The following AACS variants were observed in gnomAD, a reference collection of about 807,000 sequenced individuals.
The protein encoded by AACS is acetoacetyl-CoA synthetase, also known as acetoacetate-CoA ligase.
A neutral mutation model predicts 83.1 loss-of-function variants in AACS; 69 were observed. The observed-to-expected ratio is 0.83, with a 90% CI of 0.68 to 1.01. AACS has a LOEUF of 1.01. Ranked by LOEUF, AACS falls within the 50% of genes least tolerant of loss-of-function variation. The pLI is 0.00. For missense variants in AACS, 866 were observed against 882.2 expected (o/e 0.98, Z 0.23); for synonymous variants, 333 against 343.4 (o/e 0.97, Z 0.33).
intron 4 of AACS, among the ~76,000 whole-genome samples, chr12:125,089,198 A>G (rs1956406513): frequency 6.6e-6 from 1 of 152,316 alleles, no homozygotes; most frequent in South Asian, 2.1e-4. Flanking sequence ...AAACTCAGCC[A>G]ACACCAACCA....
Position 125,107,198 on chromosome 12 carries a change from GCCACCCACTGTTCAT to G in AACS, c.847_861del (p.His283_Ile287del). 6.2e-7 allele frequency: 1 copy of G among 1,614,132 alleles called. No homozygotes were observed. The highest frequency in any genetic ancestry group is 8.5e-7 in the Non-Finnish European group (1 of 1,180,028). ...CTGGAGTTCGAGCAGCTGCCCTTCA[GCCACCCACTGTTCAT>G]CATGTTCTCATCGGGCACCACGGGC... On this transcript the variant is annotated inframe_deletion, in exon 8 of 18. Coordinates refer to ENST00000316519, the MANE Select transcript of AACS (RefSeq NM_023928.5).
At position 125,140,447 on chromosome 12, in the gene AACS, A is replaced by C. The variant is rs1957467857; in HGVS notation, c.1882-1645A>C. 6.6e-6 allele frequency: 1 copy of C among 152,246 alleles called. No homozygotes were observed. The highest frequency in any genetic ancestry group is 2.1e-4 in the South Asian group (1 of 4,830). 9.4% of individuals were successfully genotyped at this position (152,246 alleles called of 1,614,324 possible). A position where few individuals can be genotyped will look rare whatever the true frequency, so the allele number is the denominator to read the frequency against. ...GCACGTGGACCCCTGTGTGAAGCGT[A>C]GCAGGGCACAGAGCAGGCGAGACGT... is the stretch of plus-strand genomic sequence containing the variant. On this transcript the variant is annotated intron_variant, in intron 17 of 17. Transcript: ENST00000316519. The surrounding 1 kb of genome is among the most constrained non-coding windows in gnomAD (Gnocchi z 5.1).
At chr12:125,096,828 A>G (rs1003833400) in intron 5 of AACS, among the ~76,000 whole-genome samples, 1 of 151,560 alleles carries the variant, frequency 6.6e-6, no homozygotes, top group African/African-American at 2.4e-5. Context: ...GAGAATGGGG[A>G]AGAGGGGCTT....
chr12:125,065,445 TC>T lies in AACS; in HGVS notation c.-136del, dbSNP rs1955657548. On this transcript the variant is annotated 5_prime_UTR_variant, in exon 1 of 18. Transcript: ENST00000316519. Reference sequence around the variant, plus strand: ...CGGCGGCGGCCGTTCAGTCCCTTGTTCCCCGCCGCCGCCGTCGCTGACCCAG... The same window carrying T: ...CGGCGGCGGCCGTTCAGTCCCTTGTTCCCGCCGCCGCCGTCGCTGACCCAG... 1.1e-6 allele frequency: 1 copy of T among 947,124 alleles called. No homozygotes were observed. Among genetic ancestry groups the T allele is most frequent in the Non-Finnish European group, 1.4e-6 (1 of 696,276 alleles). The allele number at this position is 947,124 out of a possible 1,614,324, so 58.7% of individuals were successfully genotyped here.
At chr12:125,098,461 T>C (rs531139392) in intron 5 of AACS, among the ~76,000 whole-genome samples, 30 of 151,688 alleles carry the variant, frequency 2.0e-4, no homozygotes, top group Admixed American at 7.9e-4. Flanking sequence ...ACCTTTTTTT[T>C]TTTTTTCTGA....
intron 14 of AACS, among the ~76,000 whole-genome samples, chr12:125,133,064 C>T (rs571385341): frequency 6.6e-6 from 1 of 152,352 alleles, no homozygotes; most frequent in East Asian, 1.9e-4. Flanking sequence ...TGCAGGAGGC[C>T]AGCCTGCTGC....
intron 1 of AACS, among the ~76,000 whole-genome samples, chr12:125,072,399 C>T (rs183437832): frequency 1.3e-5 from 2 of 152,284 alleles, no homozygotes; most frequent in Admixed American, 6.5e-5. Context: ...TCTTCCCCAC[C>T]GGGGCTGGGA....
At chr12:125,068,468 A>C (rs968127315) in intron 1 of AACS, among the ~76,000 whole-genome samples, 42 of 152,110 alleles carry the variant, frequency 2.8e-4, no homozygotes, top group African/African-American at 9.9e-4. Flanking sequence ...CAAATAAATA[A>C]AAGTTGGGAG....
intron 8 of AACS, among the ~76,000 whole-genome samples, chr12:125,108,724 G>C (rs1956886440): frequency 6.6e-6 from 1 of 151,980 alleles, no homozygotes; most frequent in Non-Finnish European, 1.5e-5. Context: ...CTGGAGTGCA[G>C]TGGTGTAATC....
In AACS at chr12:125,106,069, G is replaced by A. The variant is rs192897662; in HGVS notation, c.768-1052G>A. Among the ~76,000 whole-genome samples, 16 of 152,322 alleles carry A rather than the reference G, an allele frequency of 1.1e-4. No individual in the cohort carries two copies. In the East Asian group the frequency reaches 2.9e-3, roughly 27 times the overall value. On this transcript the variant is annotated intron_variant, in intron 7 of 17. Transcript: ENST00000316519. ...AGGAGAAACCTTTATATTTAAGGAT[G>A]CCTTCTCATGCAAGACAGCAAAATT...
chr12:125,096,800 G>C (rs1384397075), intron 5 of AACS, among the ~76,000 whole-genome samples: 2 of 152,006 alleles, frequency 1.3e-5, no homozygotes, highest in East Asian at 1.9e-4. Context: ...TTGCTCTCGG[G>C]GGGTGCATCT....
In AACS at chr12:125,125,034, C is replaced by T. The variant is rs368707926; in HGVS notation, c.1309+10C>T. 15 of 1,613,918 alleles carry T rather than the reference C, an allele frequency of 9.3e-6. No individual in the cohort carries two copies. The highest frequency in any genetic ancestry group is 4.5e-5 in the East Asian group (2 of 44,882). ...CTGGGCTCCATCTCAGGTATGGCCC[C>T]GGTGGGGACAGTCCTTCCAGCCATC... is the stretch of plus-strand genomic sequence containing the variant. On this transcript the variant is annotated intron_variant, in intron 12 of 17. Transcript: ENST00000316519.
At position 125,094,824 on chromosome 12, in the gene AACS, CTT is replaced by C. The variant is rs1320882755; in HGVS notation, c.570+3304_570+3305del. ...CCAGCAAGATCTCTAGGTCCTGAGT[CTT>C]TTGATGGCTTTGGGTTTTTTGTTTC... is the stretch of plus-strand genomic sequence containing the variant. On this transcript the variant is annotated intron_variant, in intron 5 of 17. Coordinates refer to ENST00000316519, the MANE Select transcript of AACS (RefSeq NM_023928.5). This position sits in a 1 kb window ranked among gnomAD's most constrained non-coding sequence, Gnocchi z 4.1. Among the ~76,000 whole-genome samples the C allele has an allele frequency of 1.3e-5, 2 of 152,168 alleles. No homozygotes were observed. The highest frequency in any genetic ancestry group is 1.9e-4 in the East Asian group (1 of 5,196).
At chr12:125,081,600 T>G (rs1245350812) in intron 3 of AACS, among the ~76,000 whole-genome samples, 1 of 152,196 alleles carries the variant, frequency 6.6e-6, no homozygotes, top group Admixed American at 6.5e-5. Context: ...GATGCCCTGC[T>G]TAAAAAAATA....
chr12:125,119,458 A>G (rs142297257), intron 10 of AACS, among the ~76,000 whole-genome samples: 2 of 152,204 alleles, frequency 1.3e-5, no homozygotes, highest in East Asian at 3.8e-4. Context: ...GTAATTTATA[A>G]AGAAAAAGAG....
At chr12:125,084,158 T>C (rs1827902746) in intron 3 of AACS, among the ~76,000 whole-genome samples, 1 of 151,708 alleles carries the variant, frequency 6.6e-6, no homozygotes, top group African/African-American at 2.4e-5. Flanking sequence ...TGAAACCCCA[T>C]CTCTACTAAA....
intron 3 of AACS, chr12:125,078,444 G>C: frequency 9.8e-6 from 4 of 407,874 alleles, no homozygotes; most frequent in South Asian, 7.0e-5. Flanking sequence ...GGTGGTCTGG[G>C]GTCAGGGCTC....
At chr12:125,131,752 C>T (rs1174462443) in intron 14 of AACS, among the ~76,000 whole-genome samples, 1 of 152,172 alleles carries the variant, frequency 6.6e-6, no homozygotes, top group Non-Finnish European at 1.5e-5. Context: ...GCGCGCGCCA[C>T]CACGCCCAGC....
At chr12:125,108,062 G>A (rs919701567) in intron 8 of AACS, among the ~76,000 whole-genome samples, 2 of 152,200 alleles carry the variant, frequency 1.3e-5, no homozygotes, top group African/African-American at 4.8e-5. Flanking sequence ...ATGTGTGCAC[G>A]TGCTGGGGGC....
Sources: allele counts gnomAD v4.1 joint callset (sites outside exome capture counted in the v4.1 genomes callset), GRCh38; gene constraint gnomAD v4.1.1; non-coding constraint Gnocchi (gnomAD v3.1); transcripts MANE v1.5; gene names NCBI Gene and HGNC (gene_info 2026-07-23, HGNC 2026-07-21).